ZFHX3: variants seen among roughly 807,000 people sequenced by gnomAD.
ZFHX3 encodes zinc finger homeobox 3.
In ZFHX3, 42 loss-of-function variants were observed where a neutral mutation model predicts 279.1. The observed-to-expected ratio is 0.15, with a 90% CI of 0.12 to 0.19. The LOEUF is 0.19. Among genes scored for constraint, ZFHX3 ranks in the 10% least tolerant of loss-of-function variants. The probability of loss-of-function intolerance (pLI) is 1.00; values close to 1 mark genes in which losing one functional copy is unlikely to be tolerated. For missense variants in ZFHX3, 4,981 were observed against 4,754.0 expected (o/e 1.05, Z -1.40); for synonymous variants, 2,293 against 1,957.8 (o/e 1.17, Z -4.52).
chr16:73,536,637 G>A (rs533328089), intron 2 of ZFHX3, among the ~76,000 whole-genome samples: 3 of 152,082 alleles, frequency 2.0e-5, no homozygotes, highest in African/African-American at 4.8e-5. Flanking sequence ...AAGCAATGTT[G>A]CTGTGTGTGC....
At chr16:73,730,488 G>T (rs919329154) in intron 1 of ZFHX3, among the ~76,000 whole-genome samples, 1 of 151,952 alleles carries the variant, frequency 6.6e-6, no homozygotes, top group Non-Finnish European at 1.5e-5. Flanking sequence ...TGTACATAAG[G>T]AATCAGACCA....
chr16:72,901,312 G>A (rs2039029607), intron 3 of ZFHX3, among the ~76,000 whole-genome samples: 1 of 152,198 alleles, frequency 6.6e-6, no homozygotes, highest in African/African-American at 2.4e-5. Context: ...CTCCTCCCAT[G>A]CTCTTCAACT....
chr16:73,462,246 G>T (rs1299999776), intron 2 of ZFHX3, among the ~76,000 whole-genome samples: 1 of 152,032 alleles, frequency 6.6e-6, no homozygotes, highest in Non-Finnish European at 1.5e-5. Flanking sequence ...CATTCTAAAA[G>T]CTTTGTCATT....
intron 2 of ZFHX3, among the ~76,000 whole-genome samples, chr16:73,560,053 G>A (rs1270134540): frequency 6.6e-6 from 1 of 152,102 alleles, no homozygotes; most frequent in Non-Finnish European, 1.5e-5. Flanking sequence ...AAAGACCTGA[G>A]GGGGGAAAAA....
chr16:73,386,746 G>A (rs1567468062), intron 3 of ZFHX3: 1 of 60,534 alleles, frequency 1.7e-5, no homozygotes, highest in Non-Finnish European at 3.8e-5. Flanking sequence ...CCATATATGT[G>A]GAAGCAAAAA....
chr16:73,455,822 G>A (rs1384318049), intron 3 of ZFHX3, among the ~76,000 whole-genome samples: 1 of 151,570 alleles, frequency 6.6e-6, no homozygotes, highest in Non-Finnish European at 1.5e-5. Context: ...TTGGAGTGAG[G>A]GGGCCCAATT....
At chr16:72,969,272 A>C (rs1385048916) in intron 1 of ZFHX3, among the ~76,000 whole-genome samples, 2 of 152,034 alleles carry the variant, frequency 1.3e-5, no homozygotes, top group Admixed American at 1.3e-4. Context: ...CAAAAACTGA[A>C]AACTGGTCTC....
At chr16:72,826,542 A>AGAG (rs2036934116) in intron 5 of ZFHX3, among the ~76,000 whole-genome samples, 1 of 152,214 alleles carries the variant, frequency 6.6e-6, no homozygotes, top group African/African-American at 2.4e-5. Context: ...AAGAAAGCTC[A>AGAG]GAGGAGGTTG....
At chr16:73,244,302 C>T (rs887141307) in intron 5 of ZFHX3, among the ~76,000 whole-genome samples, 14 of 152,118 alleles carry the variant, frequency 9.2e-5, no homozygotes, top group Non-Finnish European at 1.3e-4. Flanking sequence ...AAGGGGTGGG[C>T]GGATTTGGGG....
chr16:73,525,410 G>A lies in ZFHX3; in HGVS notation c.-1546-69152C>T, dbSNP rs140422796. Among the ~76,000 whole-genome samples, 479 of 152,240 alleles carry A rather than the reference G, an allele frequency of 3.1e-3. 5 individuals are homozygous for A. The highest frequency in any genetic ancestry group is 0.011 in the African/African-American group (455 of 41,532). On this transcript the variant is annotated intron_variant, in intron 2 of 17. Transcript: ENST00000641206. ...GAGAAGACCCTCCCTCTTAATTCTTGTGCAAACTCAACCCTATCTAATAAA... is the reference window on the plus strand; with the variant it reads ...GAGAAGACCCTCCCTCTTAATTCTTATGCAAACTCAACCCTATCTAATAAA...
chr16:73,104,322 C>T (rs1966268111), intron 7 of ZFHX3, among the ~76,000 whole-genome samples: 1 of 152,170 alleles, frequency 6.6e-6, no homozygotes, highest in Admixed American at 6.5e-5. Context: ...CCTCCACCTC[C>T]TGGGCTCAAG....
chr16:73,422,366 C>A (rs905237170), intron 3 of ZFHX3, among the ~76,000 whole-genome samples: 1 of 152,138 alleles, frequency 6.6e-6, no homozygotes, highest in Non-Finnish European at 1.5e-5. Context: ...TAATCTTCCT[C>A]CCACCACTCA....
intron 1 of ZFHX3, among the ~76,000 whole-genome samples, chr16:73,840,468 G>A (rs1005222852): frequency 3.9e-5 from 6 of 152,110 alleles, no homozygotes; most frequent in African/African-American, 1.2e-4. Flanking sequence ...GGTACACAAC[G>A]TAATTTTTCC....
At chr16:72,809,032 T>A (rs1250504710) in intron 7 of ZFHX3, among the ~76,000 whole-genome samples, 2 of 152,150 alleles carry the variant, frequency 1.3e-5, no homozygotes, top group East Asian at 1.9e-4. Flanking sequence ...AGAAGTAATA[T>A]CCTGCCCTTG....
intron 7 of ZFHX3, among the ~76,000 whole-genome samples, chr16:73,111,888 C>T (rs895183797): frequency 1.3e-5 from 2 of 152,058 alleles, no homozygotes; most frequent in Admixed American, 6.6e-5. Flanking sequence ...GATGGGAAAA[C>T]GAGGTTTAAC....
chr16:73,850,467 T>A (rs563313879), intron 1 of ZFHX3, among the ~76,000 whole-genome samples: 20 of 152,164 alleles, frequency 1.3e-4, no homozygotes, highest in Admixed American at 5.2e-4. Context: ...AGAAACAACT[T>A]TGAGATGGGG....
At chr16:73,819,663 G>C (rs570000806) in intron 1 of ZFHX3, among the ~76,000 whole-genome samples, 175 of 152,296 alleles carry the variant, frequency 1.1e-3, no homozygotes, top group African/African-American at 3.9e-3. Context: ...GTCAACAGGA[G>C]AGGGAAGAGA....
At chr16:72,970,527 C>T (rs1445254023) in intron 1 of ZFHX3, among the ~76,000 whole-genome samples, 2 of 152,120 alleles carry the variant, frequency 1.3e-5, no homozygotes, top group African/African-American at 4.8e-5. Context: ...GCACGGATCC[C>T]CTCCCGGATT....
At chr16:72,839,611 GA>G (rs2037293165) in intron 4 of ZFHX3, among the ~76,000 whole-genome samples, 1 of 152,062 alleles carries the variant, frequency 6.6e-6, no homozygotes, top group Non-Finnish European at 1.5e-5. Flanking sequence ...CTTAAAGACA[GA>G]AAATTTGATA....
Sources: gnomAD v4.1 joint callset for allele counts (sites outside exome capture counted in the v4.1 genomes callset) on GRCh38, gnomAD v4.1.1 for gene constraint, MANE v1.5 for transcripts, NCBI Gene and HGNC (gene_info 2026-07-23, HGNC 2026-07-21) for gene names.